The following ZCWPW2 variants were observed in gnomAD, a reference collection of about 807,000 sequenced individuals.
ZCWPW2 encodes the protein zinc finger CW-type and PWWP domain containing 2.
ZCWPW2 carries 45 observed loss-of-function variants against 46.6 expected under a neutral mutation model. The observed-to-expected ratio is 0.96, with a 90% CI of 0.76 to 1.24. The LOEUF (loss-of-function observed/expected upper bound fraction) is 1.24. ZCWPW2 is among the 50% of genes most tolerant of loss of function. ZCWPW2 has a pLI of 0.00. For missense variants in ZCWPW2, 429 were observed against 403.9 expected (o/e 1.06, Z -0.53); for synonymous variants, 152 against 137.1 (o/e 1.11, Z -0.76).
intron 9 of ZCWPW2, 140 bp downstream of exon 9, chr3:28,521,256 A>G: frequency 1.2e-6 from 1 of 846,706 alleles, no homozygotes; most frequent in South Asian, 2.1e-5. Flanking sequence ...TCATGAGGTA[A>G]ATAATAAACT....
chr3:28,430,371 T>G (rs1053241604), intron 3 of ZCWPW2, among the ~76,000 whole-genome samples: 1 of 152,246 alleles, frequency 6.6e-6, no homozygotes, highest in Non-Finnish European at 1.5e-5. Context: ...AATTTCTTAT[T>G]TGGAATGAGT....
intron 6 of ZCWPW2, 30 bp from the exon 7 acceptor site, chr3:28,514,034 C>A (rs1177870317): frequency 2.7e-6 from 4 of 1,465,642 alleles, no homozygotes; most frequent in Non-Finnish European, 3.7e-6. Context: ...CCTATATGAA[C>A]TAACTCATAT....
intron 2 of ZCWPW2, among the ~76,000 whole-genome samples, chr3:28,408,300 G>A (rs1696246307): frequency 6.6e-6 from 1 of 152,118 alleles, no homozygotes; most frequent in East Asian, 1.9e-4. Flanking sequence ...TTCCATTGAT[G>A]TGATGCCACA....
intron 9 of ZCWPW2, among the ~76,000 whole-genome samples, chr3:28,523,849 G>A (rs974843777): frequency 6.6e-6 from 1 of 152,016 alleles, no homozygotes; most frequent in East Asian, 1.9e-4. Context: ...CAAGCAATCG[G>A]AGGAAATAAA....
chr3:28,412,786 T>C (rs1696455019), intron 2 of ZCWPW2, among the ~76,000 whole-genome samples: 1 of 152,072 alleles, frequency 6.6e-6, no homozygotes, highest in African/African-American at 2.4e-5. Context: ...ATAGAAATTA[T>C]AGTCACCTCT....
chr3:28,412,752 A>C (rs1489158168), intron 2 of ZCWPW2, among the ~76,000 whole-genome samples: 1 of 152,102 alleles, frequency 6.6e-6, no homozygotes, highest in Non-Finnish European at 1.5e-5. Flanking sequence ...GATGTATACC[A>C]GATGTGTGCT....
At chr3:28,450,201 GT>G (rs2125778754) in intron 4 of ZCWPW2, among the ~76,000 whole-genome samples, 1 of 152,270 alleles carries the variant, frequency 6.6e-6, no homozygotes, top group East Asian at 1.9e-4. Flanking sequence ...ATCCCTACTA[GT>G]GTAGTAGTCT....
chr3:28,421,189 A>G (rs1696769980), intron 3 of ZCWPW2, among the ~76,000 whole-genome samples: 1 of 151,996 alleles, frequency 6.6e-6, no homozygotes, highest in Non-Finnish European at 1.5e-5. Flanking sequence ...CCTCAATTCC[A>G]CTGTGCAGAG....
chr3:28,356,871 G>A (rs1050462676), intron 1 of ZCWPW2, among the ~76,000 whole-genome samples: 1 of 152,018 alleles, frequency 6.6e-6, no homozygotes, highest in African/African-American at 2.4e-5. Flanking sequence ...GGAGAAGGGG[G>A]GAAGGATAGC....
At chr3:28,420,074 T>C (rs1274814072) in intron 3 of ZCWPW2, among the ~76,000 whole-genome samples, 1 of 140,952 alleles carries the variant, frequency 7.1e-6, no homozygotes, top group Non-Finnish European at 1.6e-5. Flanking sequence ...GAAAGTATAA[T>C]TAAAAAAAAA....
chr3:28,437,426 C>G (rs1201953223), intron 4 of ZCWPW2, among the ~76,000 whole-genome samples: 1 of 152,148 alleles, frequency 6.6e-6, no homozygotes, highest in Non-Finnish European at 1.5e-5. Context: ...AATTTGCCTA[C>G]AAAGACCTGC....
At chr3:28,395,461 T>C (rs1014598510) in intron 2 of ZCWPW2, among the ~76,000 whole-genome samples, 4 of 152,190 alleles carry the variant, frequency 2.6e-5, no homozygotes, top group Non-Finnish European at 4.4e-5. Flanking sequence ...TCCAATCCCA[T>C]GTTAACTGCG....
intron 1 of ZCWPW2, among the ~76,000 whole-genome samples, chr3:28,378,672 G>T (rs959251621): frequency 2.0e-5 from 3 of 152,078 alleles, no homozygotes; most frequent in African/African-American, 7.2e-5. Context: ...GGCCATGATT[G>T]TTGTTAAATA....
rs940167315 is a variant in ZCWPW2 at position 28,479,320 on chromosome 3, T to C, written c.610+389T>C. 3.3e-5 allele frequency among the ~76,000 whole-genome samples: 5 copies of C among 152,178 alleles called. No individual in the cohort carries two copies. In the East Asian group the frequency reaches 9.6e-4, roughly 29 times the overall value. On this transcript the variant is annotated intron_variant, in intron 5 of 9. Transcript: ENST00000383768. ...TATGCTGTATTATTACAGAACAAAG[T>C]ATTTTCAAAATATTGCATTTTGAAA...
intron 6 of ZCWPW2, among the ~76,000 whole-genome samples, chr3:28,494,709 T>C (rs1220895106): frequency 7.1e-6 from 1 of 140,684 alleles, no homozygotes; most frequent in Non-Finnish European, 1.5e-5. Context: ...CTCCTTAAGC[T>C]GATAAGCAAC....
intron 1 of ZCWPW2, among the ~76,000 whole-genome samples, chr3:28,369,887 C>CT (rs1705253385): frequency 6.6e-6 from 1 of 152,196 alleles, no homozygotes; most frequent in South Asian, 2.1e-4. Flanking sequence ...TCGCTGCCAC[C>CT]TTGCAGTTTG....
chr3:28,446,703 A>G (rs1488094774), intron 4 of ZCWPW2, among the ~76,000 whole-genome samples: 1 of 152,116 alleles, frequency 6.6e-6, no homozygotes, highest in East Asian at 1.9e-4. Context: ...TAGAAAAACA[A>G]TAGAGAAAAT....
At chr3:28,452,470 A>T (rs1281871389) in intron 4 of ZCWPW2, among the ~76,000 whole-genome samples, 1 of 151,964 alleles carries the variant, frequency 6.6e-6, no homozygotes, top group Non-Finnish European at 1.5e-5. Context: ...TAATTTTTGT[A>T]GTTTTAGTAG....
At chr3:28,388,997 T>G (rs539436596) in intron 1 of ZCWPW2, among the ~76,000 whole-genome samples, 3 of 152,296 alleles carry the variant, frequency 2.0e-5, no homozygotes, top group Admixed American at 1.3e-4. Flanking sequence ...AATCAACTGA[T>G]CCATCACAGC....
Sources: gnomAD v4.1 joint callset for allele counts (sites outside exome capture counted in the v4.1 genomes callset) on GRCh38, gnomAD v4.1.1 for gene constraint, MANE v1.5 for transcripts, NCBI Gene and HGNC (gene_info 2026-07-23, HGNC 2026-07-21) for gene names.